NRXN1: variants seen among roughly 807,000 people sequenced by gnomAD.
NRXN1 encodes neurexin-1.
NRXN1 carries 39 observed loss-of-function variants against 150.9 expected under a neutral mutation model. That is an observed-to-expected ratio of 0.26 (90% confidence interval 0.20 to 0.34). The LOEUF is 0.34. Among genes scored for constraint, NRXN1 ranks in the 10% least tolerant of loss-of-function variants. NRXN1 has a pLI of 1.00. For missense variants in NRXN1, 1,815 were observed against 1,949.9 expected (o/e 0.93, Z 1.30); for synonymous variants, 924 against 757.0 (o/e 1.22, Z -3.62).
rs981576484 is a variant in NRXN1, at chr2:50,958,552, A to G, written c.773-32597T>C. The stretch of plus-strand genomic sequence containing the variant: ...TATAGAAAGTCAACTGGTTTTTGTG[A>G]ATTGATCTTGTATTTTGCAACCATG... On this transcript the variant is annotated intron_variant, in intron 2 of 22. Transcript: ENST00000401669. Among the ~76,000 whole-genome samples the G allele has an allele frequency of 6.6e-5, 10 of 152,094 alleles. No individual in the cohort carries two copies. In the South Asian group the frequency reaches 8.3e-4, roughly 13 times the overall value.
At chr2:50,725,575 T>C (rs934149461) in intron 5 of NRXN1, among the ~76,000 whole-genome samples, 1 of 152,154 alleles carries the variant, frequency 6.6e-6, no homozygotes, top group Non-Finnish European at 1.5e-5. Context: ...AACTGGGTAA[T>C]TTTTCCAGCA....
chr2:50,906,858 T>G (rs1484023837), intron 5 of NRXN1, among the ~76,000 whole-genome samples: 1 of 152,066 alleles, frequency 6.6e-6, no homozygotes, highest in Non-Finnish European at 1.5e-5. Context: ...GGATTACATG[T>G]GTTGCGGCTC....
At chr2:50,173,542 G>A (rs1229349219) in intron 18 of NRXN1, among the ~76,000 whole-genome samples, 1 of 152,080 alleles carries the variant, frequency 6.6e-6, no homozygotes, top group Admixed American at 6.6e-5. Flanking sequence ...TTAAAACTCT[G>A]AAACAATGAC....
chr2:50,887,429 A>T (rs1680417252), intron 5 of NRXN1, among the ~76,000 whole-genome samples: 2 of 151,480 alleles, frequency 1.3e-5, no homozygotes, highest in South Asian at 4.1e-4. Context: ...AAAGATCTTC[A>T]GAAGTATTTT....
intron 5 of NRXN1, among the ~76,000 whole-genome samples, chr2:50,649,182 T>C (rs1203680309): frequency 7.7e-6 from 1 of 130,600 alleles, no homozygotes; most frequent in South Asian, 2.8e-4. Flanking sequence ...GTTTGAATTA[T>C]GTATTAGTTG....
chr2:50,821,867 C>T (rs971866472), intron 5 of NRXN1, among the ~76,000 whole-genome samples: 3 of 152,070 alleles, frequency 2.0e-5, no homozygotes, highest in African/African-American at 4.8e-5. Context: ...TGGGCCAGGA[C>T]AAAGGTCTCA....
chr2:50,800,695 A>G (rs1481323882), intron 5 of NRXN1, among the ~76,000 whole-genome samples: 1 of 152,094 alleles, frequency 6.6e-6, no homozygotes, highest in Non-Finnish European at 1.5e-5. Context: ...AATTACAGGC[A>G]TGCACCACCA....
chr2:51,012,578 T>C (rs780098813), intron 2 of NRXN1, among the ~76,000 whole-genome samples: 1 of 152,054 alleles, frequency 6.6e-6, no homozygotes, highest in Non-Finnish European at 1.5e-5. Flanking sequence ...TAGACTTGTA[T>C]TTAGGTTTCA....
intron 18 of NRXN1, among the ~76,000 whole-genome samples, chr2:50,163,018 G>T (rs1333044506): frequency 1.3e-5 from 2 of 151,542 alleles, no homozygotes; most frequent in Non-Finnish European, 2.9e-5. Context: ...AGTCTCTGGA[G>T]ATATTCTTGT....
intron 5 of NRXN1, among the ~76,000 whole-genome samples, chr2:50,872,889 CA>C (rs1215437610): frequency 6.6e-6 from 1 of 151,764 alleles, no homozygotes; most frequent in Admixed American, 6.6e-5. Context: ...GGTCAACAAT[CA>C]AAACTTGAGA....
intron 18 of NRXN1, among the ~76,000 whole-genome samples, chr2:50,109,537 G>A (rs1045837647): frequency 6.6e-6 from 1 of 151,706 alleles, no homozygotes; most frequent in Admixed American, 6.6e-5. Context: ...ATCAGTTTGC[G>A]GGGTTCTCTT....
At chr2:50,667,343 T>A (rs144324358) in intron 5 of NRXN1, among the ~76,000 whole-genome samples, 1,532 of 152,072 alleles carry the variant, frequency 0.01, 24 homozygotes, top group African/African-American at 0.034. Context: ...AGTAAAGTGT[T>A]ACAAATAGCA....
At chr2:50,052,297 C>T (rs1318849884) in intron 21 of NRXN1, among the ~76,000 whole-genome samples, 1 of 152,046 alleles carries the variant, frequency 6.6e-6, no homozygotes, top group East Asian at 1.9e-4. Context: ...TAAATGGCAC[C>T]TACTGAATAT....
At chr2:50,163,286 G>A (rs2059478060) in intron 18 of NRXN1, among the ~76,000 whole-genome samples, 1 of 151,616 alleles carries the variant, frequency 6.6e-6, no homozygotes, top group Non-Finnish European at 1.5e-5. Flanking sequence ...ACGGTTGAAG[G>A]TAACTGCTTC....
At chr2:50,919,579 G>A (rs889304566) in intron 5 of NRXN1, 1 of 151,226 alleles carries the variant, frequency 6.6e-6, no homozygotes, top group African/African-American at 2.4e-5. Context: ...GAGAAAAGTG[G>A]GGAAATTGAG....
intron 5 of NRXN1, among the ~76,000 whole-genome samples, chr2:50,834,359 C>T (rs1671811730): frequency 6.6e-6 from 1 of 152,126 alleles, no homozygotes; most frequent in Admixed American, 6.5e-5. Flanking sequence ...TTTTGGACTT[C>T]TCAGGCAGTT....
intron 21 of NRXN1, among the ~76,000 whole-genome samples, chr2:49,989,436 C>T (rs1426415844): frequency 6.6e-6 from 1 of 152,112 alleles, no homozygotes; most frequent in Non-Finnish European, 1.5e-5. Context: ...TGAAGAAAGT[C>T]AGAAAACCAA....
At chr2:50,007,395 C>T (rs967435734) in intron 21 of NRXN1, among the ~76,000 whole-genome samples, 8 of 151,898 alleles carry the variant, frequency 5.3e-5, no homozygotes, top group East Asian at 2.0e-4. Context: ...CACCACCCCT[C>T]GACAGGCCCT....
At chr2:50,600,651 T>C (rs1001035166) in intron 8 of NRXN1, among the ~76,000 whole-genome samples, 3 of 152,222 alleles carry the variant, frequency 2.0e-5, no homozygotes, top group East Asian at 1.9e-4. Context: ...GGGCAAGGAA[T>C]AGTAATAAAT....
Sources: allele counts gnomAD v4.1 joint callset (sites outside exome capture counted in the v4.1 genomes callset), GRCh38; gene constraint gnomAD v4.1.1; transcripts MANE v1.5; gene names NCBI Gene and HGNC (gene_info 2026-07-23, HGNC 2026-07-21).